MTA3: variants seen among roughly 807,000 people sequenced by gnomAD.
The protein encoded by MTA3 is metastasis associated 1 family member 3, also known as metastasis-associated protein MTA3.
Under a neutral mutation model 83.5 loss-of-function variants are expected in MTA3, and 34 were observed. That is an observed-to-expected ratio of 0.41 (90% CI 0.31 to 0.54). The LOEUF is 0.54. Among genes scored for constraint, MTA3 ranks in the 20% least tolerant of loss-of-function variants. MTA3 has a pLI of 0.33. For synonymous variants in MTA3, 303 were observed against 252.7 expected, an observed-to-expected ratio of 1.20 and a Z score of -1.89; for missense variants, 761 against 726.4, an observed-to-expected ratio of 1.05 and a Z score of -0.55.
At chr2:42,512,193 C>T (rs924114) in intron 2 of MTA3, among the ~76,000 whole-genome samples, 69,221 of 150,556 alleles carry the variant, frequency 0.46, 16,365 homozygotes, top group African/African-American at 0.56. Flanking sequence ...AACTTGATGA[C>T]TGGCAGTTTT....
intron 2 of MTA3, among the ~76,000 whole-genome samples, chr2:42,518,105 C>T (rs958227261): frequency 4.6e-5 from 7 of 151,800 alleles, no homozygotes; most frequent in Admixed American, 2.0e-4. Flanking sequence ...CGCTTGAACC[C>T]GGGAGGCAGA....
rs879664699 is a variant in MTA3, at chr2:42,593,152, C to CA, written c.190+13964dup. On this transcript the variant is annotated intron_variant, in intron 3 of 16. Transcript: ENST00000405094. The stretch of plus-strand genomic sequence containing the variant: ...TTGGCAACAGAGCAAGGCTCTGTCT[C>CA]AAAAAAAAAAAATTAAATAGAATTA... Among the ~76,000 whole-genome samples, 477 of 128,904 alleles carry CA rather than the reference C, an allele frequency of 3.7e-3. 1 individual carries two copies. The highest frequency in any genetic ancestry group is 6.4e-3 in the African/African-American group (213 of 33,366). The allele number at this position is 128,904 out of a possible 152,430, so 84.6% of individuals were successfully genotyped here.
At chr2:42,590,634 T>TTTTTTTTTTTTTTG (rs1553351759) in intron 3 of MTA3, among the ~76,000 whole-genome samples, 1 of 16,616 alleles carries the variant, frequency 6.0e-5, no homozygotes, top group Non-Finnish European at 1.3e-4. Flanking sequence ...TTTTTTTTTG[T>TTTTTTTTTTTTTTG]GAGGTGGAGT....
At chr2:42,565,990 C>T (rs989290913), upstream of MTA3, among the ~76,000 whole-genome samples, 2 of 152,012 alleles carry the variant, frequency 1.3e-5, no homozygotes, top group East Asian at 1.9e-4. Flanking sequence ...GCCTGGGCAG[C>T]GAGAGCGAAA....
intron 9 of MTA3, among the ~76,000 whole-genome samples, chr2:42,685,361 G>C (rs549973319): frequency 1.3e-5 from 2 of 152,130 alleles, no homozygotes; most frequent in African/African-American, 2.4e-5. Context: ...GGAAGATGAA[G>C]AAATAGACAT....
At chr2:42,607,107 G>C (rs1379157915) in intron 3 of MTA3, among the ~76,000 whole-genome samples, 1 of 151,868 alleles carries the variant, frequency 6.6e-6, no homozygotes, top group Non-Finnish European at 1.5e-5. Context: ...TAGAGGTAGA[G>C]GTAGAGGTAG....
At chr2:42,638,965 T>G (rs1364867033) in intron 4 of MTA3, among the ~76,000 whole-genome samples, 1 of 151,894 alleles carries the variant, frequency 6.6e-6, no homozygotes, top group Non-Finnish European at 1.5e-5. Context: ...GTGTTAGCAC[T>G]TTTAGTATTT....
At chr2:42,589,642 T>A (rs2103928086) in intron 3 of MTA3, among the ~76,000 whole-genome samples, 1 of 152,318 alleles carries the variant, frequency 6.6e-6, no homozygotes, top group South Asian at 2.1e-4. Context: ...AACCTCTGCC[T>A]TCCAGGTTCA....
At chr2:42,731,222 T>C (rs1668207410) in intron 16 of MTA3, among the ~76,000 whole-genome samples, 1 of 152,118 alleles carries the variant, frequency 6.6e-6, no homozygotes, top group East Asian at 1.9e-4. Context: ...CGATCTTTAT[T>C]ATTTCTTTTC....
chr2:42,638,480 C>G (rs1203548842), intron 4 of MTA3, among the ~76,000 whole-genome samples: 2 of 151,990 alleles, frequency 1.3e-5, no homozygotes, highest in Admixed American at 6.6e-5. Flanking sequence ...CCTAGACCTC[C>G]TGGGCTCAAG....
At chr2:42,595,517 A>G (rs550513581) in intron 3 of MTA3, among the ~76,000 whole-genome samples, 165 of 152,270 alleles carry the variant, frequency 1.1e-3, no homozygotes, top group African/African-American at 3.9e-3. Flanking sequence ...TAGGGGGAAA[A>G]TAATAAAAGA....
chr2:42,501,552 G>A (rs926712070), intron 2 of MTA3, among the ~76,000 whole-genome samples: 2 of 152,180 alleles, frequency 1.3e-5, no homozygotes, highest in East Asian at 3.8e-4. Context: ...TAACATTAAA[G>A]TTACCTAACT....
intron 9 of MTA3, among the ~76,000 whole-genome samples, chr2:42,685,332 T>C (rs924266313): frequency 2.0e-5 from 3 of 152,200 alleles, no homozygotes; most frequent in African/African-American, 4.8e-5. Context: ...AGAGAGCTTA[T>C]TGAAACATTA....
intron 2 of MTA3, among the ~76,000 whole-genome samples, chr2:42,521,190 C>T (rs1431812964): frequency 6.6e-6 from 1 of 152,196 alleles, no homozygotes; most frequent in Non-Finnish European, 1.5e-5. Context: ...ATATCTGTTG[C>T]TCTCTTCTTG....
chr2:42,612,826 A>G (rs2104112744), intron 4 of MTA3, among the ~76,000 whole-genome samples: 1 of 152,222 alleles, frequency 6.6e-6, no homozygotes, highest in African/African-American at 2.4e-5. Context: ...GCACTACTGT[A>G]CTCCAGCCTG....
chr2:42,717,261 A>G (rs2104529342), intron 14 of MTA3, among the ~76,000 whole-genome samples: 1 of 152,018 alleles, frequency 6.6e-6, no homozygotes, highest in Non-Finnish European at 1.5e-5. Flanking sequence ...GTGGGTATCA[A>G]AGGAAATTCC....
chr2:42,692,837 T>A (rs1215969842), intron 9 of MTA3, among the ~76,000 whole-genome samples: 1 of 152,224 alleles, frequency 6.6e-6, no homozygotes, highest in Non-Finnish European at 1.5e-5. Flanking sequence ...TGGATGATGC[T>A]TGTAGATGTT....
chr2:42,752,296 G>A, intron 16 of MTA3: 1 of 471,138 alleles, frequency 2.1e-6, no homozygotes. Context: ...GGCATGCTCT[G>A]AGGCTGTGAA....
chr2:42,739,900 A>G (rs1668897549), intron 16 of MTA3, among the ~76,000 whole-genome samples: 1 of 152,212 alleles, frequency 6.6e-6, no homozygotes. Context: ...GATTGTAGCA[A>G]TTTAGCCACA....
Sources: allele counts gnomAD v4.1 joint callset (sites outside exome capture counted in the v4.1 genomes callset), GRCh38; gene constraint gnomAD v4.1.1; transcripts MANE v1.5; gene names NCBI Gene and HGNC (gene_info 2026-07-23, HGNC 2026-07-21).